Variants in DOCK4 observed in about 807,000 individuals in gnomAD.
The protein encoded by DOCK4 is dedicator of cytokinesis protein 4.
Under a neutral mutation model 268.1 loss-of-function variants are expected in DOCK4, and 97 were observed. The observed-to-expected ratio is 0.36, with a 90% CI of 0.31 to 0.43. The LOEUF is 0.43. DOCK4 is among the 20% of genes least tolerant of loss of function. The pLI, the probability that DOCK4 is intolerant of heterozygous loss-of-function variation, is 1.00. For synonymous variants in DOCK4, 954 were observed against 887.2 expected, an observed-to-expected ratio of 1.08 and a Z score of -1.34; for missense variants, 2,145 against 2,455.7, an observed-to-expected ratio of 0.87 and a Z score of 2.67.
rs1585898828 is a variant in DOCK4 at position 111,760,108 on chromosome 7, C to G, written c.4162+73G>C. ...TGAAAAGGGACTGGTGGCTGAACAA[C>G]CTTGCATGGAAATGCTCTGCAGCTA... On this transcript the variant is annotated intron_variant, in intron 40 of 52. Coordinates refer to ENST00000428084, the MANE Select transcript of DOCK4 (RefSeq NM_001363540.2). 1.9e-5 allele frequency: 30 copies of G among 1,574,158 alleles called. No individual in the cohort carries two copies. The South Asian group carries it at 3.2e-4, about 17-fold the overall frequency.
At chr7:111,934,761 G>A (rs867219280) in intron 12 of DOCK4, among the ~76,000 whole-genome samples, 3 of 148,220 alleles carry the variant, frequency 2.0e-5, no homozygotes, top group South Asian at 4.2e-4. Context: ...GGATGGTCTC[G>A]ATCTCCTGAC....
At chr7:112,084,250 G>A (rs1808859961) in intron 1 of DOCK4, among the ~76,000 whole-genome samples, 1 of 152,192 alleles carries the variant, frequency 6.6e-6, no homozygotes, top group Non-Finnish European at 1.5e-5. Flanking sequence ...GATTTTTATG[G>A]AGCAACAGCT....
intron 2 of DOCK4, among the ~76,000 whole-genome samples, chr7:112,000,949 A>T (rs915588695): frequency 6.6e-6 from 1 of 152,202 alleles, no homozygotes. Context: ...ACAAGATTTC[A>T]TACATTTCCA....
intron 4 of DOCK4, among the ~76,000 whole-genome samples, chr7:111,997,486 T>G (rs141392832): frequency 1.3e-5 from 2 of 152,218 alleles, no homozygotes; most frequent in Admixed American, 6.5e-5. Context: ...CCATAGACTC[T>G]TAGCCACATG....
chr7:111,878,079 C>A (rs920339685), intron 16 of DOCK4, among the ~76,000 whole-genome samples: 1 of 152,152 alleles, frequency 6.6e-6, no homozygotes, highest in African/African-American at 2.4e-5. Context: ...AGAGATAGAG[C>A]AACATGTTGA....
intron 1 of DOCK4, among the ~76,000 whole-genome samples, chr7:112,202,178 G>A (rs1457322208): frequency 6.6e-6 from 1 of 152,180 alleles, no homozygotes; most frequent in African/African-American, 2.4e-5. Context: ...TCAGCATACT[G>A]ATTTCAATTC....
chr7:112,054,119 C>T (rs2135564231), intron 1 of DOCK4, among the ~76,000 whole-genome samples: 1 of 152,156 alleles, frequency 6.6e-6, no homozygotes, highest in Admixed American at 6.5e-5. Flanking sequence ...CCCAGGAGTT[C>T]AAGACCAGCC....
At chr7:112,197,519 A>G (rs1432995772) in intron 1 of DOCK4, among the ~76,000 whole-genome samples, 1 of 152,238 alleles carries the variant, frequency 6.6e-6, no homozygotes, top group Non-Finnish European at 1.5e-5. Flanking sequence ...TGTCACAGAC[A>G]TAGAAATAAC....
intron 3 of DOCK4, among the ~76,000 whole-genome samples, chr7:111,999,241 T>G (rs575914581): frequency 6.6e-6 from 1 of 152,178 alleles, no homozygotes; most frequent in Non-Finnish European, 1.5e-5. Context: ...CAAACTCAAT[T>G]AAATATTTAA....
chr7:111,836,320 C>T (rs935648365), intron 25 of DOCK4, among the ~76,000 whole-genome samples: 8 of 151,852 alleles, frequency 5.3e-5, no homozygotes, highest in African/African-American at 1.9e-4. Context: ...TAGAGTAATG[C>T]TGTTCTGGTC....
chr7:111,977,298 C>T lies in DOCK4; in HGVS notation c.550-15G>A. Reference sequence around the variant, plus strand: ...CGATGTTCCATCTGAATGACACCCCCCAACAAAAACATGATCAGCATGGAC... The same window carrying T: ...CGATGTTCCATCTGAATGACACCCCTCAACAAAAACATGATCAGCATGGAC... On this transcript the variant is annotated splice_polypyrimidine_tract_variant and intron_variant, in intron 7 of 52. Transcript: ENST00000428084. 1 of 1,580,698 alleles carries T rather than the reference C, an allele frequency of 6.3e-7. No homozygotes were observed. Among genetic ancestry groups the T allele is most frequent in the East Asian group, 2.3e-5 (1 of 43,426 alleles).
At chr7:112,015,769 A>G (rs1403310800) in intron 1 of DOCK4, among the ~76,000 whole-genome samples, 1 of 152,192 alleles carries the variant, frequency 6.6e-6, no homozygotes, top group African/African-American at 2.4e-5. Context: ...GTAATTTATA[A>G]AGAAATTTAA....
intron 32 of DOCK4, chr7:111,788,387 A>G (rs1799315464): frequency 5.3e-6 from 2 of 379,028 alleles, no homozygotes; most frequent in African/African-American, 2.0e-5. Flanking sequence ...TGGTTTTAAA[A>G]TTATCAGGCA....
rs775392351 is a variant in DOCK4 at position 111,989,177 on chromosome 7, A to C, written c.316-14T>G. ...GCCTTCATTACGCTAAGAAATATAC[A>C]AATGTGGAGATTTGGCAGTCAGTAC... On this transcript the variant is annotated splice_polypyrimidine_tract_variant and intron_variant, in intron 5 of 52. Coordinates refer to ENST00000428084, the MANE Select transcript of DOCK4 (RefSeq NM_001363540.2). 7.1e-5 allele frequency: 115 copies of C among 1,613,582 alleles called. No individual in the cohort carries two copies. The highest frequency in any genetic ancestry group is 9.5e-5 in the Non-Finnish European group (112 of 1,179,736).
At chr7:111,945,831 ATTAT>A in intron 8 of DOCK4, 33 bp from the exon 9 acceptor site, 1 of 1,492,196 alleles carries the variant, frequency 6.7e-7, no homozygotes, top group East Asian at 2.5e-5. Flanking sequence ...CAATTTGAAA[ATTAT>A]TTAATAGTTA....
intron 36 of DOCK4, among the ~76,000 whole-genome samples, chr7:111,772,299 C>T (rs1216615506): frequency 6.6e-6 from 1 of 151,992 alleles, no homozygotes; most frequent in Non-Finnish European, 1.5e-5. Flanking sequence ...GTAGTCCCAG[C>T]TACTTGGGAG....
intron 1 of DOCK4, among the ~76,000 whole-genome samples, chr7:112,008,501 A>G (rs992609411): frequency 6.6e-6 from 1 of 152,214 alleles, no homozygotes; most frequent in Non-Finnish European, 1.5e-5. Context: ...AAACAGTCTC[A>G]AACACAACTC....
intron 1 of DOCK4, among the ~76,000 whole-genome samples, chr7:112,061,322 G>T (rs1279886316): frequency 1.3e-5 from 2 of 152,112 alleles, no homozygotes; most frequent in African/African-American, 4.8e-5. Flanking sequence ...GATTGCAAAG[G>T]TGGGTCACAC....
At chr7:112,075,308 G>C (rs1028300089) in intron 1 of DOCK4, among the ~76,000 whole-genome samples, 2 of 152,092 alleles carry the variant, frequency 1.3e-5, no homozygotes, top group Non-Finnish European at 2.9e-5. Context: ...CTGGAGGAGG[G>C]ACTTTTTGCT....
Sources: allele counts gnomAD v4.1 joint callset (sites outside exome capture counted in the v4.1 genomes callset), GRCh38; gene constraint gnomAD v4.1.1; transcripts MANE v1.5; gene names NCBI Gene and HGNC (gene_info 2026-07-23, HGNC 2026-07-21).